The following MAPKAP1 variants were observed in gnomAD, a reference collection of about 807,000 sequenced individuals.
MAPKAP1 encodes the protein MAPK associated protein 1.
In MAPKAP1, 20 loss-of-function variants were observed where a neutral mutation model predicts 65.7. The ratio of observed to expected loss-of-function variants is 0.30; its 90% CI spans 0.21 to 0.44. The LOEUF (loss-of-function observed/expected upper bound fraction) is 0.44. Ranked by LOEUF, MAPKAP1 falls within the 20% of genes least tolerant of loss-of-function variation. The pLI is 1.00. For synonymous variants in MAPKAP1, 222 were observed against 244.3 expected (o/e 0.91, Z 0.85); for missense variants, 423 against 648.0 (o/e 0.65, Z 3.77).
chr9:125,544,222 C>T (rs1298532747), intron 6 of MAPKAP1, among the ~76,000 whole-genome samples: 1 of 151,790 alleles, frequency 6.6e-6, no homozygotes, highest in African/African-American at 2.4e-5. Flanking sequence ...CTTGGCCAGG[C>T]TGGTCTTGAA....
At chr9:125,662,269 C>A (rs1319803872) in intron 3 of MAPKAP1, among the ~76,000 whole-genome samples, 1 of 152,180 alleles carries the variant, frequency 6.6e-6, no homozygotes, top group Non-Finnish European at 1.5e-5. Flanking sequence ...GTAGTCCCAG[C>A]TGCTTGGGAG....
chr9:125,585,715 T>A lies in MAPKAP1; in HGVS notation c.511A>T (p.Thr171Ser). 1 of 1,614,166 alleles carries A rather than the reference T, an allele frequency of 6.2e-7. No individual in the cohort carries two copies. The highest frequency in any genetic ancestry group is 1.6e-4 in the Middle Eastern group (1 of 6,062). The change falls in exon 5 of 12, where the codon ACA (threonine) becomes TCA (serine). Residue 171 changes from threonine (T) to serine (S), a missense_variant. Coordinates refer to ENST00000265960, the MANE Select transcript of MAPKAP1 (RefSeq NM_001006617.3). ...ACATCGATCTTCTTGGTTGCTGTTG[T>A]ACCTACATGACCCTGTGGACAGAAC... is the stretch of plus-strand genomic sequence containing the variant. ...SKFDGKGHVG[T>S]TATKKIDVYL...
intron 6 of MAPKAP1, among the ~76,000 whole-genome samples, chr9:125,550,231 G>A (rs1477000266): frequency 2.0e-5 from 3 of 152,184 alleles, no homozygotes; most frequent in Admixed American, 1.3e-4. Context: ...TCAACAGCAA[G>A]ACTGACATTG....
At chr9:125,510,592 G>A (rs1239038248) in intron 7 of MAPKAP1, among the ~76,000 whole-genome samples, 1 of 152,012 alleles carries the variant, frequency 6.6e-6, no homozygotes, top group Non-Finnish European at 1.5e-5. Context: ...CTGAAAATCC[G>A]TGTGTTTTCT....
At chr9:125,528,399 C>G (rs1223598538) in intron 7 of MAPKAP1, among the ~76,000 whole-genome samples, 1 of 152,242 alleles carries the variant, frequency 6.6e-6, no homozygotes, top group African/African-American at 2.4e-5. Flanking sequence ...CCACTTCTCC[C>G]TGCCTGCATC....
At chr9:125,562,823 C>T (rs1830930788) in intron 5 of MAPKAP1, among the ~76,000 whole-genome samples, 1 of 152,152 alleles carries the variant, frequency 6.6e-6, no homozygotes, top group Non-Finnish European at 1.5e-5. Flanking sequence ...GATTAGGTAG[C>T]TTGCTCAAGA....
chr9:125,595,858 T>C lies in MAPKAP1; in HGVS notation c.499-10131A>G. The C allele has an allele frequency of 8.8e-7, 1 of 1,133,066 alleles. No individual in the cohort carries two copies. 70.2% of individuals were successfully genotyped at this position (1,133,066 alleles called of 1,614,324 possible). On this transcript the variant is annotated intron_variant, in intron 4 of 11. Transcript: ENST00000265960. This position sits in a 1 kb window ranked among gnomAD's most constrained non-coding sequence, Gnocchi z 4.0. Reference sequence around the variant, plus strand: ...GTTTTGGGTTTGTCACCTATGCCACTGTGGAGGAGGTGGATGCAGCCATGA... The same window carrying C: ...GTTTTGGGTTTGTCACCTATGCCACCGTGGAGGAGGTGGATGCAGCCATGA...
chr9:125,470,303 T>C (rs199582668), intron 9 of MAPKAP1, among the ~76,000 whole-genome samples: 8 of 152,202 alleles, frequency 5.3e-5, no homozygotes, highest in African/African-American at 1.9e-4. Context: ...AAAGTGGCTG[T>C]TGATTTATTG....
intron 8 of MAPKAP1, among the ~76,000 whole-genome samples, chr9:125,503,746 T>G (rs1169966169): frequency 6.6e-6 from 1 of 151,902 alleles, no homozygotes; most frequent in Non-Finnish European, 1.5e-5. Context: ...AGACGGAATC[T>G]CACTCTGTCA....
At chr9:125,604,365 C>T (rs1832386938) in intron 4 of MAPKAP1, among the ~76,000 whole-genome samples, 1 of 152,242 alleles carries the variant, frequency 6.6e-6, no homozygotes, top group African/African-American at 2.4e-5. Flanking sequence ...TTCAAAGGCT[C>T]CAGTAGGCAA....
chr9:125,535,668 A>G (rs1442368887), intron 7 of MAPKAP1, among the ~76,000 whole-genome samples: 2 of 152,194 alleles, frequency 1.3e-5, no homozygotes, highest in South Asian at 4.1e-4. Flanking sequence ...CACTTTCCAG[A>G]ATTTCTTAAT....
At chr9:125,467,067 C>CA (rs1853706567) in intron 10 of MAPKAP1, among the ~76,000 whole-genome samples, 1 of 152,192 alleles carries the variant, frequency 6.6e-6, no homozygotes, top group African/African-American at 2.4e-5. Context: ...ATTAGATGCT[C>CA]AGTCTATACT....
chr9:125,614,982 T>C (rs1324791309), intron 4 of MAPKAP1, among the ~76,000 whole-genome samples: 1 of 152,126 alleles, frequency 6.6e-6, no homozygotes, highest in Non-Finnish European at 1.5e-5. Flanking sequence ...CTATCATTAT[T>C]TGCAAATGAC....
At chr9:125,498,063 T>G (rs1828860738) in intron 8 of MAPKAP1, among the ~76,000 whole-genome samples, 1 of 152,232 alleles carries the variant, frequency 6.6e-6, no homozygotes, top group African/African-American at 2.4e-5. Flanking sequence ...TGGGCTTCCT[T>G]CTGGTATGAT....
chr9:125,663,818 G>C (rs1834258391), intron 3 of MAPKAP1, among the ~76,000 whole-genome samples: 1 of 152,062 alleles, frequency 6.6e-6, no homozygotes, highest in African/African-American at 2.4e-5. Flanking sequence ...CCTCCTTCAA[G>C]CTGCTTTTTG....
At chr9:125,589,932 A>C (rs1202992939) in intron 4 of MAPKAP1, among the ~76,000 whole-genome samples, 1 of 152,216 alleles carries the variant, frequency 6.6e-6, no homozygotes, top group Non-Finnish European at 1.5e-5. Context: ...TTCAATGGCT[A>C]ACAAAGACTT....
At chr9:125,554,794 C>CAAAAAA (rs56911891) in intron 6 of MAPKAP1, among the ~76,000 whole-genome samples, 17 of 65,588 alleles carry the variant, frequency 2.6e-4, no homozygotes, top group African/African-American at 3.8e-4. Flanking sequence ...AGACACTTAT[C>CAAAAAA]AAAAAAAAAA....
chr9:125,585,081 ACT>A (rs1168286314), intron 5 of MAPKAP1, among the ~76,000 whole-genome samples: 2 of 152,084 alleles, frequency 1.3e-5, no homozygotes, highest in Admixed American at 1.3e-4. Flanking sequence ...TCAAATCCTG[ACT>A]CTGCCATCTC....
chr9:125,672,210 T>A (rs1054096553), intron 2 of MAPKAP1, 106 bp downstream of exon 2: 2 of 1,266,002 alleles, frequency 1.6e-6, no homozygotes, highest in African/African-American at 3.0e-5. Flanking sequence ...TTCCTATTAA[T>A]ACCCGGAAAC....
Sources: allele counts gnomAD v4.1 joint callset (sites outside exome capture counted in the v4.1 genomes callset), GRCh38; gene constraint gnomAD v4.1.1; non-coding constraint Gnocchi (gnomAD v3.1); transcripts MANE v1.5; gene names NCBI Gene and HGNC (gene_info 2026-07-23, HGNC 2026-07-21).